The following FMNL2 variants were observed in gnomAD, a reference collection of about 807,000 sequenced individuals.
FMNL2 encodes the protein formin-like protein 2.
Under a neutral mutation model 130.2 loss-of-function variants are expected in FMNL2, and 51 were observed. The observed-to-expected ratio is 0.39, with a 90% CI of 0.31 to 0.49. The LOEUF is 0.49. Among genes scored for constraint, FMNL2 ranks in the 20% least tolerant of loss-of-function variants. FMNL2 has a pLI of 0.85. For missense variants in FMNL2, 977 were observed against 1,316.2 expected (o/e 0.74, Z 3.99); for synonymous variants, 465 against 467.1 (o/e 1.00, Z 0.06).
At chr2:152,526,785 A>G (rs766933681) in intron 2 of FMNL2, among the ~76,000 whole-genome samples, 2 of 151,946 alleles carry the variant, frequency 1.3e-5, no homozygotes, top group Non-Finnish European at 2.9e-5. Flanking sequence ...ATTGTGCATT[A>G]GTCAGATTTT....
chr2:152,376,317 T>C (rs1162820214), intron 1 of FMNL2, among the ~76,000 whole-genome samples: 1 of 152,256 alleles, frequency 6.6e-6, no homozygotes, highest in African/African-American at 2.4e-5. Flanking sequence ...GCTGTGAGCA[T>C]TCTTATACAC....
chr2:152,361,463 G>T (rs1348672824), intron 1 of FMNL2, among the ~76,000 whole-genome samples: 6 of 152,004 alleles, frequency 3.9e-5, no homozygotes, highest in Non-Finnish European at 7.4e-5. Context: ...AATTATCCTT[G>T]TTTATTGTCT....
chr2:152,415,675 C>A (rs924210474), intron 1 of FMNL2, among the ~76,000 whole-genome samples: 2 of 152,136 alleles, frequency 1.3e-5, no homozygotes, highest in Admixed American at 1.3e-4. Flanking sequence ...GGTATCTACT[C>A]CTAGGATATT....
rs745374058 is a variant in FMNL2 at position 152,444,822 on chromosome 2, T to C, written c.118-77121T>C. ...TAACTCAGTGTCCCCTGCTCCACCA[T>C]GTGTGAGGTTACAAATGAGGTCATA... is the stretch of plus-strand genomic sequence containing the variant. On this transcript the variant is annotated intron_variant, in intron 1 of 25. Transcript: ENST00000288670. Among the ~76,000 whole-genome samples the C allele has an allele frequency of 1.1e-4, 16 of 147,730 alleles. 1 individual carries two copies. The highest frequency in any genetic ancestry group is 2.4e-4 in the Non-Finnish European group (16 of 66,914).
At chr2:152,640,997 T>C (rs778577617) in intron 25 of FMNL2, 83 bp downstream of exon 25, 3 of 1,577,856 alleles carry the variant, frequency 1.9e-6, no homozygotes, top group Non-Finnish European at 2.6e-6. Context: ...TTGCAGCTTC[T>C]TTTGTCCAGG....
At chr2:152,535,642 A>G (rs915631827) in intron 2 of FMNL2, among the ~76,000 whole-genome samples, 1 of 152,220 alleles carries the variant, frequency 6.6e-6, no homozygotes, top group Non-Finnish European at 1.5e-5. Flanking sequence ...GGATCCAAAC[A>G]TGTTAGTAAG....
intron 1 of FMNL2, among the ~76,000 whole-genome samples, chr2:152,469,306 A>G (rs1689729047): frequency 6.6e-6 from 1 of 152,220 alleles, no homozygotes; most frequent in African/African-American, 2.4e-5. Context: ...GGAGGAAGTC[A>G]GTGCCTCTGG....
intron 1 of FMNL2, among the ~76,000 whole-genome samples, chr2:152,342,407 T>C (rs1681863077): frequency 6.6e-6 from 1 of 152,096 alleles, no homozygotes. Flanking sequence ...GGAAGGTGAG[T>C]TACAAGCTAT....
In FMNL2 at chr2:152,629,841, G is replaced by T; in HGVS notation, c.2486G>T (p.Gly829Val). ...CTTTTGCAGATCATCTTAGCCCTTG[G>T]AAACTACATGAATAGCAGTAAAAGA... Reference protein sequence around the residue: ...KKILEIILALGNYMNSSKRGA... With the variant: ...KKILEIILALVNYMNSSKRGA... Residue 829 changes from glycine to valine, a missense_variant, in exon 20 of 26, where the codon GGA (glycine) becomes GTA (valine). Gly to Val is a moderately radical substitution (Grantham distance 109, BLOSUM62 -3). Transcript: ENST00000288670. 6.2e-7 allele frequency: 1 copy of T among 1,613,002 alleles called. No individual in the cohort carries two copies. Among genetic ancestry groups the T allele is most frequent in the East Asian group, 2.2e-5 (1 of 44,860 alleles).
At chr2:152,488,293 A>G (rs1448055049) in intron 1 of FMNL2, among the ~76,000 whole-genome samples, 1 of 152,142 alleles carries the variant, frequency 6.6e-6, no homozygotes, top group Non-Finnish European at 1.5e-5. Flanking sequence ...TTATTATTTC[A>G]CAATTGAGGG....
chr2:152,339,914 C>T (rs1175507502), intron 1 of FMNL2, among the ~76,000 whole-genome samples: 3 of 152,072 alleles, frequency 2.0e-5, no homozygotes, highest in Admixed American at 2.0e-4. Flanking sequence ...GGCACAGTGG[C>T]TCACCCCTAT....
chr2:152,424,515 C>A (rs144429629), intron 1 of FMNL2, among the ~76,000 whole-genome samples: 1 of 151,936 alleles, frequency 6.6e-6, no homozygotes, highest in African/African-American at 2.4e-5. Context: ...CTCAGCCTCC[C>A]GAATAGCTGG....
intron 6 of FMNL2, among the ~76,000 whole-genome samples, chr2:152,572,404 A>C (rs1270883208): frequency 3.3e-5 from 5 of 152,108 alleles, no homozygotes; most frequent in Admixed American, 3.3e-4. Context: ...TAGATTGCTT[A>C]CCTTGTCTAG....
chr2:152,340,025 G>GA lies in FMNL2; in HGVS notation c.117+4314dup, dbSNP rs1350780035. Among the ~76,000 whole-genome samples the GA allele has an allele frequency of 4.0e-5, 6 of 150,338 alleles. No individual in the cohort carries two copies. In the East Asian group the frequency reaches 5.8e-4, roughly 15 times the overall value. On this transcript the variant is annotated intron_variant, in intron 1 of 25. Transcript: ENST00000288670. ...GTGAGATCCTGTCTCTATGAAAAAA[G>GA]AAAAAAAAAGATTAGCCAGGTGTGG...
rs1378965162 is a variant in FMNL2, at chr2:152,390,396, T to C, written c.117+54676T>C. On this transcript the variant is annotated intron_variant, in intron 1 of 25. Transcript: ENST00000288670. ...TCTTGAGAAGATCAATAAGATGGAG[T>C]GGTGGAGCTGCTTGGTGTCCAGTGA... 3.7e-6 allele frequency: 4 copies of C among 1,066,902 alleles called. No homozygotes were observed. In the Admixed American group the frequency reaches 5.1e-5, roughly 14 times the overall value. The allele number at this position is 1,066,902 out of a possible 1,614,324, so 66.1% of individuals were successfully genotyped here. A position where few individuals can be genotyped will look rare whatever the true frequency, so the allele number is the denominator to read the frequency against.
chr2:152,644,268 C>A (rs1054140547), intron 25 of FMNL2, among the ~76,000 whole-genome samples: 2 of 152,184 alleles, frequency 1.3e-5, no homozygotes, highest in South Asian at 4.1e-4. Flanking sequence ...AGTAGGTTTA[C>A]AGATATTAAC....
chr2:152,648,124 T>C lies in FMNL2; in HGVS notation c.*219T>C, dbSNP rs889946479. On this transcript the variant is annotated 3_prime_UTR_variant, in exon 26 of 26. Transcript: ENST00000288670. Reference sequence around the variant, plus strand: ...TACCTGTTCAGATTAATCAAAGCAATAGGATTTGATTTGATTAGGTATCTT... The same window carrying C: ...TACCTGTTCAGATTAATCAAAGCAACAGGATTTGATTTGATTAGGTATCTT... 69 of 495,038 alleles carry C rather than the reference T, an allele frequency of 1.4e-4. No homozygotes were observed. Among genetic ancestry groups the C allele is most frequent in the Non-Finnish European group, 2.1e-4 (60 of 282,244 alleles). 30.7% of individuals were successfully genotyped at this position (495,038 alleles called of 1,614,324 possible). A position where few individuals can be genotyped will look rare whatever the true frequency, so the allele number is the denominator to read the frequency against.
chr2:152,410,233 T>C (rs539989419), intron 1 of FMNL2, among the ~76,000 whole-genome samples: 3 of 152,180 alleles, frequency 2.0e-5, no homozygotes, highest in Non-Finnish European at 4.4e-5. Flanking sequence ...TTTGGTCACA[T>C]GTACAGGTGT....
At chr2:152,634,679 G>A (rs569708302) in intron 21 of FMNL2, among the ~76,000 whole-genome samples, 4 of 152,298 alleles carry the variant, frequency 2.6e-5, no homozygotes, top group African/African-American at 7.2e-5. Context: ...TGAATATGGC[G>A]GATGAGGCAA....
Sources: gnomAD v4.1 joint callset for allele counts (sites outside exome capture counted in the v4.1 genomes callset) on GRCh38, gnomAD v4.1.1 for gene constraint, MANE v1.5 for transcripts, NCBI Gene and HGNC (gene_info 2026-07-23, HGNC 2026-07-21) for gene names.